FNBP1L: variants seen among roughly 807,000 people sequenced by gnomAD.
The protein encoded by FNBP1L is formin-binding protein 1-like.
FNBP1L carries 36 observed loss-of-function variants against 91.2 expected under a neutral mutation model. The observed-to-expected ratio is 0.39, with a 90% CI of 0.30 to 0.52. The LOEUF (loss-of-function observed/expected upper bound fraction) is 0.52, where lower values mean the gene tolerates loss of function less well. Ranked by LOEUF, FNBP1L falls within the 20% of genes least tolerant of loss-of-function variation. The pLI, the probability that FNBP1L is intolerant of heterozygous loss-of-function variation, is 0.66. For synonymous variants in FNBP1L, 242 were observed against 237.0 expected (o/e 1.02, Z -0.19); for missense variants, 571 against 732.1 (o/e 0.78, Z 2.54).
chr1:93,530,919 T>C (rs1245019452), intron 7 of FNBP1L, 36 bp downstream of exon 7: 2 of 1,462,672 alleles, frequency 1.4e-6, no homozygotes, highest in Non-Finnish European at 1.8e-6. Context: ...TAGTTTTAGA[T>C]TAACTGGTGT....
chr1:93,468,424 C>T (rs550719581), intron 1 of FNBP1L, among the ~76,000 whole-genome samples: 134 of 152,060 alleles, frequency 8.8e-4, no homozygotes, highest in Non-Finnish European at 1.7e-3. Flanking sequence ...CATTAACGGA[C>T]AAATTTTTCT....
At chr1:93,551,687 T>G in intron 16 of FNBP1L, 1 of 984,826 alleles carries the variant, frequency 1.0e-6, no homozygotes, top group Non-Finnish European at 1.2e-6. Flanking sequence ...AATGAGCAGG[T>G]AGCACATAAT....
chr1:93,480,716 C>T (rs1397804649), intron 1 of FNBP1L, among the ~76,000 whole-genome samples: 1 of 151,948 alleles, frequency 6.6e-6, no homozygotes, highest in Non-Finnish European at 1.5e-5. Context: ...GTGCCTGCCA[C>T]CACGCCCGGC....
intron 1 of FNBP1L, among the ~76,000 whole-genome samples, chr1:93,475,589 C>A (rs1204001880): frequency 6.6e-6 from 1 of 152,098 alleles, no homozygotes; most frequent in African/African-American, 2.4e-5. Context: ...CCACTCAGTA[C>A]ACATCACATG....
chr1:93,517,503 A>G (rs1199422955), intron 2 of FNBP1L, among the ~76,000 whole-genome samples: 1 of 152,112 alleles, frequency 6.6e-6, no homozygotes, highest in Non-Finnish European at 1.5e-5. Flanking sequence ...GTCTGAGAAC[A>G]TCTTTTAAAA....
intron 1 of FNBP1L, among the ~76,000 whole-genome samples, chr1:93,463,557 A>G (rs952989933): frequency 6.6e-6 from 1 of 152,126 alleles, no homozygotes; most frequent in African/African-American, 2.4e-5. Context: ...AATCTAATCC[A>G]TTACCACATC....
chr1:93,449,580 C>T (rs1433694512), intron 1 of FNBP1L, among the ~76,000 whole-genome samples: 1 of 152,162 alleles, frequency 6.6e-6, no homozygotes, highest in Non-Finnish European at 1.5e-5. Flanking sequence ...ACTTTAGAGT[C>T]CATCTAGTGA....
intron 2 of FNBP1L, among the ~76,000 whole-genome samples, chr1:93,510,664 A>G (rs906022333): frequency 2.0e-5 from 3 of 152,292 alleles, no homozygotes; most frequent in South Asian, 2.1e-4. Context: ...TCCAAGCTAC[A>G]GGAGGACATT....
At chr1:93,532,117 A>G (rs1009556383) in intron 7 of FNBP1L, among the ~76,000 whole-genome samples, 1 of 152,124 alleles carries the variant, frequency 6.6e-6, no homozygotes. Context: ...AACAACTAGT[A>G]TGGACTGTTG....
chr1:93,500,879 T>G (rs377628327), intron 2 of FNBP1L, among the ~76,000 whole-genome samples: 7 of 152,314 alleles, frequency 4.6e-5, no homozygotes, highest in East Asian at 1.9e-4. Context: ...TCCGTTTCCC[T>G]CCTGTTTGTT....
chr1:93,451,877 C>A (rs1668506965), intron 1 of FNBP1L, among the ~76,000 whole-genome samples: 1 of 152,128 alleles, frequency 6.6e-6, no homozygotes, highest in Non-Finnish European at 1.5e-5. Flanking sequence ...GTCTTGAACT[C>A]CTGACATTGT....
chr1:93,483,016 T>TAAAAAAAA (rs761508055), intron 1 of FNBP1L, among the ~76,000 whole-genome samples: 2 of 115,358 alleles, frequency 1.7e-5, no homozygotes, highest in East Asian at 2.4e-4. Context: ...AGACTCCGTC[T>TAAAAAAAA]AAAAAAAACA....
At chr1:93,541,114 G>T in intron 11 of FNBP1L, 58 bp downstream of exon 11, 1 of 1,485,858 alleles carries the variant, frequency 6.7e-7, no homozygotes, top group Non-Finnish European at 9.1e-7. Flanking sequence ...TCAAAACATT[G>T]TTTTGTTTAA....
chr1:93,452,482 A>G (rs1003285429), intron 1 of FNBP1L, among the ~76,000 whole-genome samples: 3 of 152,238 alleles, frequency 2.0e-5, no homozygotes, highest in Non-Finnish European at 2.9e-5. Flanking sequence ...CTTGATTGAT[A>G]GCTTGGTAAT....
intron 1 of FNBP1L, among the ~76,000 whole-genome samples, chr1:93,456,778 A>G (rs76012395): frequency 7.1e-6 from 1 of 141,376 alleles, no homozygotes; most frequent in Admixed American, 7.2e-5. Flanking sequence ...ACCCTGTCTC[A>G]AAAAAAAAAA....
intron 2 of FNBP1L, among the ~76,000 whole-genome samples, chr1:93,510,815 C>T (rs576049756): frequency 6.6e-6 from 1 of 152,196 alleles, no homozygotes; most frequent in East Asian, 1.9e-4. Context: ...AATGCAGAAG[C>T]CTCAGGAGCC....
intron 1 of FNBP1L, among the ~76,000 whole-genome samples, chr1:93,496,262 C>T (rs1670257693): frequency 7.0e-6 from 1 of 143,202 alleles, no homozygotes; most frequent in African/African-American, 2.5e-5. Context: ...TCCTCTTTTT[C>T]CTTCCTTTCC....
intron 1 of FNBP1L, among the ~76,000 whole-genome samples, chr1:93,464,937 C>T (rs2101691418): frequency 1.3e-5 from 2 of 152,136 alleles, no homozygotes; most frequent in Middle Eastern, 6.8e-3. Context: ...ACCCAGAATC[C>T]ATATAAGCAA....
chr1:93,496,603 C>T (rs1670269127), intron 1 of FNBP1L, among the ~76,000 whole-genome samples: 1 of 152,058 alleles, frequency 6.6e-6, no homozygotes, highest in Non-Finnish European at 1.5e-5. Flanking sequence ...TGGGTCTTAA[C>T]ATGTTGCTAA....
Sources: allele counts gnomAD v4.1 joint callset (sites outside exome capture counted in the v4.1 genomes callset), GRCh38; gene constraint gnomAD v4.1.1; transcripts MANE v1.5; gene names NCBI Gene and HGNC (gene_info 2026-07-23, HGNC 2026-07-21).